COL5A1: variants seen among roughly 807,000 people sequenced by gnomAD.
The protein encoded by COL5A1 is collagen type V alpha 1 chain.
A neutral mutation model predicts 263.7 loss-of-function variants in COL5A1; 16 were observed. That is an observed-to-expected ratio of 0.06 (90% confidence interval 0.04 to 0.09). The LOEUF is 0.09. Ranked by LOEUF, COL5A1 falls within the 10% of genes least tolerant of loss-of-function variation. The pLI is 1.00. For synonymous variants in COL5A1, 1,012 were observed against 1,004.5 expected, an observed-to-expected ratio of 1.01 and a Z score of -0.14; for missense variants, 2,036 against 2,540.5, an observed-to-expected ratio of 0.80 and a Z score of 4.27.
chr9:134,817,903 C>A, intron 54 of COL5A1, 72 bp downstream of exon 54: 1 of 1,446,546 alleles, frequency 6.9e-7, no homozygotes, highest in Non-Finnish European at 9.5e-7. Flanking sequence ...GGGGAGTGGA[C>A]AAGCGTGTGG....
At chr9:134,797,817 G>C (rs1837967270) in intron 36 of COL5A1, among the ~76,000 whole-genome samples, 1 of 152,170 alleles carries the variant, frequency 6.6e-6, no homozygotes, top group African/African-American at 2.4e-5. Flanking sequence ...AAGGACACCA[G>C]TCACTGGGCT....
intron 20 of COL5A1, 29 bp downstream of exon 20, chr9:134,763,766 G>C: frequency 6.2e-7 from 1 of 1,608,836 alleles, no homozygotes; most frequent in South Asian, 1.1e-5. Flanking sequence ...TGGGACGGTG[G>C]GGGCTCAGTG....
intron 1 of COL5A1, among the ~76,000 whole-genome samples, chr9:134,649,092 C>T (rs1173451369): frequency 5.4e-5 from 6 of 110,580 alleles, no homozygotes; most frequent in South Asian, 3.1e-4. Context: ...TTGGTGCGGG[C>T]GGGGTGTGGG....
rs78457195 is a variant in COL5A1 at position 134,757,558 on chromosome 9, C to T, written c.1882-685C>T. Among the ~76,000 whole-genome samples the T allele has an allele frequency of 4.6e-5, 7 of 152,178 alleles. No individual in the cohort carries two copies. The highest frequency in any genetic ancestry group is 1.9e-4 in the East Asian group (1 of 5,186). ...CGTGGATGAGCTCTGAAGTGCATCC[C>T]GTCAGTCCCAAGCTAGTGAGGTGGC... On this transcript the variant is annotated intron_variant, in intron 17 of 65. Coordinates refer to ENST00000371817, the MANE Select transcript of COL5A1 (RefSeq NM_000093.5). This position sits in a 1 kb window ranked among gnomAD's most constrained non-coding sequence, Gnocchi z 6.2.
chr9:134,679,480 T>C (rs185561096), intron 1 of COL5A1, among the ~76,000 whole-genome samples: 55 of 9,300 alleles, frequency 5.9e-3, no homozygotes, highest in African/African-American at 8.8e-3. Context: ...GGGGGCACTG[T>C]GGGGCTGGTT....
At chr9:134,709,319 G>GA (rs1489012412) in intron 4 of COL5A1, 2 of 290,916 alleles carry the variant, frequency 6.9e-6, no homozygotes, top group Non-Finnish European at 1.3e-5. Flanking sequence ...AGGGGTGGGG[G>GA]GGCTACTCCT....
Position 134,678,026 on chromosome 9 carries a change from C to T in COL5A1, c.110-12886C>T, listed in dbSNP as rs1453704128. On this transcript the variant is annotated intron_variant, in intron 1 of 65. Coordinates refer to ENST00000371817, the MANE Select transcript of COL5A1 (RefSeq NM_000093.5). This position sits in a 1 kb window ranked among gnomAD's most constrained non-coding sequence, Gnocchi z 5.5. ...TGTGAAGAACAATTCCGCTCTTCCT[C>T]GGATTGAGCCTCGCTCTGCCCTCAT... Among the ~76,000 whole-genome samples, 3 of 152,244 alleles carry T rather than the reference C, an allele frequency of 2.0e-5. No homozygotes were observed. Among genetic ancestry groups the T allele is most frequent in the Non-Finnish European group, 4.4e-5 (3 of 68,042 alleles).
In COL5A1 at chr9:134,740,707, C is replaced by A. The variant is rs78945144; in HGVS notation, c.1494+1899C>A. On this transcript the variant is annotated intron_variant, in intron 11 of 65. Transcript: ENST00000371817. ...GGGTGCTGGTTCACACCTCACCATG[C>A]GGTCCCTGCCTTTGGGCTGATCCTG... 7.5e-3 allele frequency among the ~76,000 whole-genome samples: 1,147 copies of A among 152,290 alleles called. 8 individuals carry two copies. Among genetic ancestry groups the A allele is most frequent in the Middle Eastern group, 0.024 (7 of 294 alleles).
chr9:134,744,322 C>G (rs1030441028), intron 11 of COL5A1, among the ~76,000 whole-genome samples: 3 of 152,132 alleles, frequency 2.0e-5, no homozygotes, highest in Admixed American at 6.5e-5. Context: ...TTCACATGCA[C>G]TCATGCACAC....
intron 36 of COL5A1, among the ~76,000 whole-genome samples, chr9:134,797,126 G>T (rs570845201): frequency 6.6e-6 from 1 of 152,370 alleles, no homozygotes; most frequent in South Asian, 2.1e-4. Context: ...CCACTGCCGG[G>T]CCCGCTGGCA....
chr9:134,664,846 G>A (rs1259930720), intron 1 of COL5A1, among the ~76,000 whole-genome samples: 1 of 152,196 alleles, frequency 6.6e-6, no homozygotes, highest in Non-Finnish European at 1.5e-5. Flanking sequence ...TGGATCAACT[G>A]AGCCCAGGAG....
Position 134,814,786 on chromosome 9 carries a change from C to CT in COL5A1, c.3907-8dup, listed in dbSNP as rs748079003. 1.3e-6 allele frequency: 2 copies of CT among 1,549,746 alleles called. No individual in the cohort carries two copies. Among genetic ancestry groups the CT allele is most frequent in the African/African-American group, 2.7e-5 (2 of 73,130 alleles). On this transcript the variant is annotated splice_polypyrimidine_tract_variant and intron_variant, in intron 49 of 65. Transcript: ENST00000371817. The stretch of plus-strand genomic sequence containing the variant: ...GGCTCTGAGGACTTGACACTGGCCT[C>CT]TTTCCTCCAGGGACCCAAAGGAGAA...
In COL5A1 at chr9:134,741,850, G is replaced by A. The variant is rs1835315715; in HGVS notation, c.1494+3042G>A. On this transcript the variant is annotated intron_variant, in intron 11 of 65. Transcript: ENST00000371817. The surrounding 1 kb of genome is among the most constrained non-coding windows in gnomAD (Gnocchi z 4.5). ...TGCCACTCCCAACCTCCCGCCTTGG[G>A]CTTCCCCAGCCCTTCCTCCCTTCCC... 6.6e-6 allele frequency among the ~76,000 whole-genome samples: 1 copy of A among 152,098 alleles called. No individual in the cohort carries two copies. Among genetic ancestry groups the A allele is most frequent in the South Asian group, 2.1e-4 (1 of 4,826 alleles).
At position 134,678,604 on chromosome 9, in the gene COL5A1, T is replaced by A. The variant is rs1832746977; in HGVS notation, c.110-12308T>A. Among the ~76,000 whole-genome samples, 1 of 152,222 alleles carries A rather than the reference T, an allele frequency of 6.6e-6. No homozygotes were observed. The highest frequency in any genetic ancestry group is 1.5e-5 in the Non-Finnish European group (1 of 68,026). On this transcript the variant is annotated intron_variant, in intron 1 of 65. Transcript: ENST00000371817. This position sits in a 1 kb window ranked among gnomAD's most constrained non-coding sequence, Gnocchi z 5.5. The stretch of plus-strand genomic sequence containing the variant: ...CTTCAGAGCCTGTTTTTATCCTGGC[T>A]GCTGTCATTCCTGAGCTGATGTGCA...
intron 11 of COL5A1, among the ~76,000 whole-genome samples, chr9:134,744,289 ACT>A (rs1388466209): frequency 1.3e-5 from 2 of 151,904 alleles, no homozygotes; most frequent in African/African-American, 2.4e-5. Flanking sequence ...ACGCTTGCAC[ACT>A]CACCCACACA....
intron 42 of COL5A1, 83 bp from the exon 43 acceptor site, chr9:134,809,100 A>C: frequency 8.4e-7 from 1 of 1,187,274 alleles, no homozygotes; most frequent in Middle Eastern, 1.9e-4. Flanking sequence ...CTGCCAGCGG[A>C]TCCCTCTCTT....
At position 134,765,685 on chromosome 9, in the gene COL5A1, C is replaced by T. The variant is rs780887138; in HGVS notation, c.2039C>T (p.Pro680Leu). 3.7e-6 allele frequency: 6 copies of T among 1,613,610 alleles called. No individual in the cohort carries two copies. The highest frequency in any genetic ancestry group is 1.1e-5 in the South Asian group (1 of 91,020). Residue 680 changes from proline (P) to leucine (L), a missense_variant, in exon 21 of 66, where the codon CCA (proline) becomes CTA (leucine). By Grantham distance (98) the Pro-to-Leu change is moderately conservative (BLOSUM62 -3). Coordinates refer to ENST00000371817, the MANE Select transcript of COL5A1 (RefSeq NM_000093.5). The surrounding 1 kb of genome is among the most constrained non-coding windows in gnomAD (Gnocchi z 5.1). Reference sequence around the variant, plus strand: ...ATTTTCCCTTTCCTCTTACAGGGGCCACGTGGTCTGCTTGGGCCGAAGGGG... The same window carrying T: ...ATTTTCCCTTTCCTCTTACAGGGGCTACGTGGTCTGCTTGGGCCGAAGGGG... ...GPRGLPGEPG[P>L]RGLLGPKGPP...
chr9:134,834,991 G>A lies in COL5A1; in HGVS notation c.5157G>A (p.Glu1719=), dbSNP rs1315860976. 6.2e-7 allele frequency: 1 copy of A among 1,613,636 alleles called. No homozygotes were observed. Among genetic ancestry groups the A allele is most frequent in the Non-Finnish European group, 8.5e-7 (1 of 1,179,990 alleles). ...CCCAGCTCTCCTATGTGGACGCCGA[G>A]GGCAACCCTGTGGGTGTGGTACAGA... is the stretch of plus-strand genomic sequence containing the variant. ...RGKLLSYVDA[E]GNPVGVVQMT... The change falls in exon 65 of 66, where the codon GAG becomes GAA. Residue 1719 remains glutamate (E), a synonymous_variant. Coordinates refer to ENST00000371817, the MANE Select transcript of COL5A1 (RefSeq NM_000093.5).
intron 37 of COL5A1, among the ~76,000 whole-genome samples, chr9:134,801,171 C>T (rs117613650): frequency 0.012 from 1,768 of 152,318 alleles, 12 homozygotes; most frequent in Non-Finnish European, 0.019. Flanking sequence ...GAGATATTCC[C>T]GCTGAATCAA....
Sources: gnomAD v4.1 joint callset for allele counts (sites outside exome capture counted in the v4.1 genomes callset) on GRCh38, gnomAD v4.1.1 for gene constraint, Gnocchi (gnomAD v3.1) non-coding constraint, MANE v1.5 for transcripts, NCBI Gene and HGNC (gene_info 2026-07-23, HGNC 2026-07-21) for gene names.